NANS: variants seen among roughly 807,000 people sequenced by gnomAD.
NANS encodes the protein N-acetylneuraminate-9-phosphate synthase.
Under a neutral mutation model 33.3 loss-of-function variants are expected in NANS, and 29 were observed. That is an observed-to-expected ratio of 0.87 (90% CI 0.65 to 1.19). The LOEUF (loss-of-function observed/expected upper bound fraction) is 1.19, where lower values mean the gene tolerates loss of function less well. Ranked by LOEUF, NANS falls within the 50% of genes most tolerant of loss-of-function variation. The pLI, the probability that NANS is intolerant of heterozygous loss-of-function variation, is 0.00. For synonymous variants in NANS, 163 were observed against 177.2 expected, an observed-to-expected ratio of 0.92 and a Z score of 0.64; for missense variants, 394 against 461.1, an observed-to-expected ratio of 0.85 and a Z score of 1.33.
rs763654649 is a variant in NANS, at chr9:98,060,946, G to A, written c.297G>A (p.Gln99=). Residue 99 remains glutamine (Q), a synonymous_variant, in exon 2 of 6, where the codon CAG becomes CAA. Coordinates refer to ENST00000210444, the MANE Select transcript of NANS (RefSeq NM_018946.4). ...EFSHDQYREL[Q]RYAEEVGIFF... is the part of the protein sequence containing the mutation. ...GCCATGACCAGTACAGGGAGCTGCA[G>A]AGGTACGCCGAGGAGGTTGGGATCT... 30 of 1,614,212 alleles carry A rather than the reference G, an allele frequency of 1.9e-5. No individual in the cohort carries two copies. The highest frequency in any genetic ancestry group is 2.5e-5 in the Non-Finnish European group (29 of 1,180,052).
At chr9:98,081,396 G>A (rs1829854808) in intron 5 of NANS, 1 of 309,928 alleles carries the variant, frequency 3.2e-6, no homozygotes, top group Non-Finnish European at 6.0e-6. Context: ...TATGTAACAG[G>A]AGTGAGGCCC....
At chr9:98,069,998 A>T (rs1363652172) in intron 2 of NANS, among the ~76,000 whole-genome samples, 1 of 152,236 alleles carries the variant, frequency 6.6e-6, no homozygotes, top group Non-Finnish European at 1.5e-5. Context: ...AGACATTACC[A>T]TTGGGGGAAA....
intron 2 of NANS, among the ~76,000 whole-genome samples, chr9:98,065,682 G>A (rs1450712804): frequency 6.6e-6 from 1 of 150,650 alleles, no homozygotes; most frequent in African/African-American, 2.4e-5. Flanking sequence ...TAACGGTTTG[G>A]CTGTGTCTCC....
At chr9:98,066,490 A>G (rs372322098) in intron 2 of NANS, among the ~76,000 whole-genome samples, 295 of 152,230 alleles carry the variant, frequency 1.9e-3, no homozygotes, top group African/African-American at 6.8e-3. Context: ...AATTCACCCA[A>G]TCGAGGGTAC....
At chr9:98,059,029 A>AT (rs563986417) in intron 1 of NANS, among the ~76,000 whole-genome samples, 9,135 of 148,188 alleles carry the variant, frequency 0.062, 392 homozygotes, top group Admixed American at 0.12. Flanking sequence ...AGAAGTTTTT[A>AT]TTTTTTTTTT....
intron 2 of NANS, among the ~76,000 whole-genome samples, chr9:98,067,609 A>AT (rs1249731979): frequency 6.6e-6 from 1 of 151,944 alleles, no homozygotes; most frequent in Non-Finnish European, 1.5e-5. Flanking sequence ...AAATTTAATT[A>AT]TTTTTTCATG....
intron 2 of NANS, among the ~76,000 whole-genome samples, chr9:98,062,197 C>A (rs1452657460): frequency 8.6e-5 from 13 of 151,400 alleles, no homozygotes; most frequent in Non-Finnish European, 1.5e-5. Flanking sequence ...TAGAGCAAGA[C>A]CCTGTCTCTT....
intron 2 of NANS, chr9:98,074,511 T>A (rs535813740): frequency 3.9e-5 from 6 of 152,332 alleles, no homozygotes; most frequent in Non-Finnish European, 8.8e-5. Flanking sequence ...TCTTCCAGAT[T>A]ACTCAGATTC....
At chr9:98,068,827 CT>C (rs1379613223) in intron 2 of NANS, among the ~76,000 whole-genome samples, 2 of 84,860 alleles carry the variant, frequency 2.4e-5, no homozygotes, top group African/African-American at 1.1e-4. Context: ...GATCCTGTCT[CT>C]AAAAAAAAAA....
chr9:98,060,271 T>G (rs1828936453), intron 1 of NANS, among the ~76,000 whole-genome samples: 1 of 152,224 alleles, frequency 6.6e-6, no homozygotes, highest in Admixed American at 6.5e-5. Context: ...GGGGGAGGTC[T>G]CCCATCTCCA....
In NANS at chr9:98,082,929, G is replaced by C; in HGVS notation, c.954G>C (p.Glu318Asp). ...ACATGCTCACCGTGAAGGTGGGTGA[G>C]CCCAAAGGCTATCCTCCTGAAGACA... ...TMDMLTVKVGEPKGYPPEDIF... is the reference protein window; with the variant it reads ...TMDMLTVKVGDPKGYPPEDIF... Residue 318 changes from glutamate (E) to aspartate (D), a missense_variant, in exon 6 of 6, where the codon GAG becomes GAC. Transcript: ENST00000210444. 2 of 1,614,210 alleles carry C rather than the reference G, an allele frequency of 1.2e-6. No homozygotes were observed. The highest frequency in any genetic ancestry group is 1.6e-4 in the Middle Eastern group (1 of 6,062).
In NANS at chr9:98,082,890, C is replaced by T; in HGVS notation, c.915C>T (p.Thr305=). Residue 305 remains threonine (T), a synonymous_variant, in exon 6 of 6, where the codon ACC becomes ACT. Transcript: ENST00000210444. The part of the protein sequence containing the change: ...VVAKVKIPEG[T]ILTMDMLTVK... ...CCAAAGTGAAAATTCCGGAAGGCAC[C>T]ATTCTAACAATGGACATGCTCACCG... The T allele has an allele frequency of 1.2e-6, 2 of 1,614,146 alleles. No individual in the cohort carries two copies. The highest frequency in any genetic ancestry group is 2.2e-5 in the East Asian group (1 of 44,888).
rs766705810 is a variant in NANS, at chr9:98,060,953, G to A, written c.304G>A (p.Ala102Thr). 1.6e-5 allele frequency: 26 copies of A among 1,614,022 alleles called. No homozygotes were observed. The African/African-American group carries it at 2.1e-4, about 13-fold the overall frequency. ...HDQYRELQRY[A>T]EEVGIFFTAS... Reference sequence around the variant, plus strand: ...CCAGTACAGGGAGCTGCAGAGGTACGCCGAGGAGGTTGGGATCTTCTTCAC... The same window carrying A: ...CCAGTACAGGGAGCTGCAGAGGTACACCGAGGAGGTTGGGATCTTCTTCAC... Residue 102 changes from alanine to threonine, a missense_variant, in exon 2 of 6, where the codon GCC (alanine) becomes ACC (threonine). By Grantham distance (58) the Ala-to-Thr change is moderately conservative. Coordinates refer to ENST00000210444, the MANE Select transcript of NANS (RefSeq NM_018946.4).
chr9:98,056,773 G>T lies in NANS; in HGVS notation c.-36G>T, dbSNP rs752366951. 1.2e-6 allele frequency: 2 copies of T among 1,605,118 alleles called. No homozygotes were observed. The highest frequency in any genetic ancestry group is 8.5e-7 in the Non-Finnish European group (1 of 1,177,602). On this transcript the variant is annotated 5_prime_UTR_variant, in exon 1 of 6. Transcript: ENST00000210444. ...GCGGCGGCGGCGGCGGCCGGACCCA[G>T]ACTGGTAGTGAGGCTTTGGACCCCG...
chr9:98,071,028 G>A (rs190330803), intron 2 of NANS, among the ~76,000 whole-genome samples: 3 of 151,980 alleles, frequency 2.0e-5, no homozygotes, highest in East Asian at 3.9e-4. Context: ...GCCCAGGCTG[G>A]TCTTAAACTC....
intron 3 of NANS, 156 bp from the exon 4 acceptor site, chr9:98,078,037 C>T (rs1829668616): frequency 9.0e-7 from 1 of 1,107,642 alleles, no homozygotes; most frequent in Non-Finnish European, 1.3e-6. Context: ...AGGAACCCAA[C>T]AAGCTCCTCT....
chr9:98,056,896 C>T lies in NANS; in HGVS notation c.88C>T (p.Gln30Ter), dbSNP rs1374957790. ...FIIAEIGQNH[Q>*]GDLDVAKRMI... ...CATTGCCGAGATCGGCCAGAACCAC[C>T]AGGGCGACCTGGACGTAGCCAAGCG... Residue 30 changes from glutamine (Q) to a stop codon, truncating the protein, a stop_gained, in exon 1 of 6, where the codon CAG becomes TAG. Transcript: ENST00000210444. LOFTEE classifies it high-confidence loss of function. 1 of 1,610,948 alleles carries T rather than the reference C, an allele frequency of 6.2e-7. No individual in the cohort carries two copies. The highest frequency in any genetic ancestry group is 1.1e-5 in the South Asian group (1 of 90,936).
chr9:98,079,317 T>C (rs1408456547), intron 4 of NANS, among the ~76,000 whole-genome samples: 2 of 152,192 alleles, frequency 1.3e-5, no homozygotes, highest in Non-Finnish European at 2.9e-5. Context: ...TTAAAACTAT[T>C]ATAGTAACAT....
chr9:98,062,153 C>A (rs1829001977), intron 2 of NANS, among the ~76,000 whole-genome samples: 1 of 151,942 alleles, frequency 6.6e-6, no homozygotes, highest in South Asian at 2.1e-4. Flanking sequence ...CTGCAGTTAG[C>A]CATGACTGGA....
Sources: gnomAD v4.1 joint callset for allele counts (sites outside exome capture counted in the v4.1 genomes callset) on GRCh38, gnomAD v4.1.1 for gene constraint, MANE v1.5 for transcripts, NCBI Gene and HGNC (gene_info 2026-07-23, HGNC 2026-07-21) for gene names.